Variants in ZNF782 observed in about 807,000 individuals in gnomAD.
The protein encoded by ZNF782 is zinc finger protein 782.
A neutral mutation model predicts 13.0 loss-of-function variants in ZNF782; 12 were observed. The observed-to-expected ratio is 0.92, with a 90% confidence interval of 0.59 to 1.50. ZNF782 has a LOEUF of 1.50. ZNF782 is among the 40% of genes most tolerant of loss of function. The pLI is 0.00. For synonymous variants in ZNF782, 284 were observed against 283.0 expected (o/e 1.00, Z -0.04); for missense variants, 770 against 822.9 (o/e 0.94, Z 0.79).
upstream of ZNF782, among the ~76,000 whole-genome samples, chr9:96,876,943 CAAAAAAAAAAAAAAAAAA>C (rs398011569): frequency 1.2e-4 from 5 of 42,802 alleles, no homozygotes; most frequent in African/African-American, 1.7e-4. Flanking sequence ...AACTCCGACT[CAAAAAAAAAAAAAAAAAA>C]AAAAAAAAAA....
At chr9:96,832,794 C>T (rs1850850238) in intron 4 of ZNF782, among the ~76,000 whole-genome samples, 1 of 152,048 alleles carries the variant, frequency 6.6e-6, no homozygotes, top group African/African-American at 2.4e-5. Flanking sequence ...TGCTTCTTGG[C>T]ATGAATTCCT....
chr9:96,821,493 T>C (rs10121905), intron 5 of ZNF782, among the ~76,000 whole-genome samples: 4,295 of 152,256 alleles, frequency 0.028, 201 homozygotes, highest in African/African-American at 0.096. Flanking sequence ...AAGTAGTTAC[T>C]GTCTATAGTA....
At chr9:96,858,067 A>G (rs560734302), upstream of ZNF782, among the ~76,000 whole-genome samples, 70 of 152,308 alleles carry the variant, frequency 4.6e-4, no homozygotes, top group African/African-American at 1.6e-3. This position sits in a 1 kb window ranked among gnomAD's most constrained non-coding sequence, Gnocchi z 4.4. Context: ...GGCCTTTGAA[A>G]TAATTGGCCG....
At chr9:96,912,212 A>G in the ZNF782 span, among the ~76,000 whole-genome samples, 2 of 149,650 alleles carry the variant, frequency 1.3e-5, no homozygotes, top group African/African-American at 4.9e-5. Flanking sequence ...AAAAAAAAAA[A>G]AAAAAAAAAC....
chr9:96,879,749 T>C (rs1264553677), upstream of ZNF782, among the ~76,000 whole-genome samples: 1 of 152,246 alleles, frequency 6.6e-6, no homozygotes, highest in Admixed American at 6.5e-5. Flanking sequence ...GGAGCAATTG[T>C]AATAAGCTTA....
chr9:96,823,750 T>C (rs891755397), intron 5 of ZNF782, among the ~76,000 whole-genome samples: 5 of 152,246 alleles, frequency 3.3e-5, no homozygotes, highest in Admixed American at 6.5e-5. Context: ...CAAAATCTAA[T>C]AGCATTTTCT....
At position 96,818,748 on chromosome 9, in the gene ZNF782, A is replaced by G. The variant is rs780486668; in HGVS notation, c.1275T>C (p.Asp425=). 47 of 1,613,902 alleles carry G rather than the reference A, an allele frequency of 2.9e-5. No individual in the cohort carries two copies. The highest frequency in any genetic ancestry group is 3.9e-5 in the Non-Finnish European group (46 of 1,180,014). The change falls in exon 6 of 6, where the codon GAT becomes GAC. Residue 425 remains aspartate, a synonymous_variant. Transcript: ENST00000481138. The stretch of plus-strand genomic sequence containing the variant: ...TTGCACTGAAAGCTTTATCACATCC[A>G]TCACATTTGTATGGTTTCTCTCCCG... ...THTGEKPYKC[D]GCDKAFSAKS...
At chr9:96,928,964 CCTTGA>C in the ZNF782 span, 14 of 1,585,196 alleles carry the variant, frequency 8.8e-6, no homozygotes, top group Admixed American at 1.7e-5. Context: ...TGGGTCCTGC[CCTTGA>C]CTTTTTTCAT....
At chr9:96,821,962 C>T (rs1563995381) in intron 5 of ZNF782, among the ~76,000 whole-genome samples, 1 of 152,184 alleles carries the variant, frequency 6.6e-6, no homozygotes, top group East Asian at 1.9e-4. Context: ...CCGCGCCTGG[C>T]CAATAGTTCA....
At chr9:96,930,872 G>C in the ZNF782 span, among the ~76,000 whole-genome samples, 2 of 72,656 alleles carry the variant, frequency 2.8e-5, no homozygotes, top group Admixed American at 2.0e-4. Context: ...CCATCCAGTG[G>C]TTTTTTTTTT....
the ZNF782 span, among the ~76,000 whole-genome samples, chr9:96,929,630 G>A: frequency 1.3e-4 from 20 of 151,910 alleles, no homozygotes; most frequent in African/African-American, 3.1e-4. Context: ...TGGCTTCTCC[G>A]TCAGTTCAGG....
the ZNF782 span, among the ~76,000 whole-genome samples, chr9:96,921,639 T>A: frequency 8.7e-5 from 13 of 149,820 alleles, no homozygotes; most frequent in Non-Finnish European, 1.9e-4. Flanking sequence ...GGCGGGCAGA[T>A]CACTTGAGGT....
the ZNF782 span, chr9:96,909,958 C>T: frequency 4.6e-6 from 2 of 437,940 alleles, no homozygotes; most frequent in South Asian, 3.6e-5. Flanking sequence ...TGTTCCTTGT[C>T]CAGCTCCTTG....
chr9:96,916,534 C>T, the ZNF782 span, among the ~76,000 whole-genome samples: 1,530 of 152,040 alleles, frequency 0.01, 32 homozygotes, highest in Non-Finnish European at 0.015. Context: ...GAACGCCTTC[C>T]GTCAAAAAGA....
chr9:96,855,745 G>A (rs780256919), upstream of ZNF782, among the ~76,000 whole-genome samples: 12 of 152,196 alleles, frequency 7.9e-5, no homozygotes, highest in Non-Finnish European at 1.5e-4. Context: ...TTCATATAAT[G>A]ACTTCTTTTC....
the ZNF782 span, among the ~76,000 whole-genome samples, chr9:96,911,971 G>C: frequency 1.3e-5 from 2 of 151,732 alleles, no homozygotes; most frequent in Non-Finnish European, 2.9e-5. Flanking sequence ...AGGCCGAGGC[G>C]GGCAGATCAT....
At chr9:96,930,916 A>G in the ZNF782 span, among the ~76,000 whole-genome samples, 1 of 60,672 alleles carries the variant, frequency 1.6e-5, no homozygotes, top group African/African-American at 6.9e-5. Context: ...TTTTTTTGAG[A>G]CGGAGTCTCG....
chr9:96,879,755 G>C (rs113140047), upstream of ZNF782, among the ~76,000 whole-genome samples: 1 of 152,170 alleles, frequency 6.6e-6, no homozygotes, highest in Non-Finnish European at 1.5e-5. Flanking sequence ...ATTGTAATAA[G>C]CTTATGTTTA....
At position 96,818,200 on chromosome 9, in the gene ZNF782, T is replaced by C. The variant is rs766864851; in HGVS notation, c.1823A>G (p.His608Arg). 9.9e-6 allele frequency: 16 copies of C among 1,614,174 alleles called. No homozygotes were observed. Among genetic ancestry groups the C allele is most frequent in the Non-Finnish European group, 1.3e-5 (15 of 1,180,020 alleles). Residue 608 changes from histidine (H) to arginine (R), a missense_variant, in exon 6 of 6, where the codon CAT becomes CGT. Physicochemically the swap from His to Arg is conservative, Grantham distance 29. Coordinates refer to ENST00000481138, the MANE Select transcript of ZNF782 (RefSeq NM_001001662.3). ...TFRQKSNLRGHQRTHTGEKPY... is the reference protein window; with the variant it reads ...TFRQKSNLRGRQRTHTGEKPY... ...CTTCTCCCCAGTGTGAGTTCTCTGATGCCCTCTGAGATTTGATTTCTGCCT... is the reference window on the plus strand; with the variant it reads ...CTTCTCCCCAGTGTGAGTTCTCTGACGCCCTCTGAGATTTGATTTCTGCCT...
Sources: allele counts gnomAD v4.1 joint callset (sites outside exome capture counted in the v4.1 genomes callset), GRCh38; gene constraint gnomAD v4.1.1; non-coding constraint Gnocchi (gnomAD v3.1); transcripts MANE v1.5; gene names NCBI Gene and HGNC (gene_info 2026-07-23, HGNC 2026-07-21).